Variants in DENND2C observed in about 807,000 individuals in gnomAD.
DENND2C encodes the protein DENN domain containing 2C, also known as DENN domain-containing protein 2C.
In DENND2C, 72 loss-of-function variants were observed where a neutral mutation model predicts 112.4. The observed-to-expected ratio is 0.64, with a 90% CI of 0.53 to 0.78. The LOEUF is 0.78. DENND2C is among the 30% of genes least tolerant of loss of function. DENND2C has a pLI of 0.00. For synonymous variants in DENND2C, 329 were observed against 381.6 expected (o/e 0.86, Z 1.61); for missense variants, 992 against 1,113.8 (o/e 0.89, Z 1.56).
Position 114,625,331 on chromosome 1 carries a change from T to G in DENND2C, c.654A>C (p.Arg218Ser). The change falls in exon 4 of 21, where the codon AGA (arginine) becomes AGC (serine). Residue 218 changes from arginine (R) to serine (S), a missense_variant. By Grantham distance (110) the Arg-to-Ser change is moderately radical. Transcript: ENST00000393274. Reference protein sequence around the residue: ...NPLPKPRRTFRYLSESGVTPY... With the variant: ...NPLPKPRRTFSYLSESGVTPY... ...GCGTAACACCAGATTCGGATAAATA[T>G]CTGAATGTCCTACGAGGTTTTGGCA... 1 of 1,614,212 alleles carries G rather than the reference T, an allele frequency of 6.2e-7. No homozygotes were observed. The highest frequency in any genetic ancestry group is 1.1e-5 in the South Asian group (1 of 91,086).
chr1:114,663,527 C>T (rs960708998), intron 1 of DENND2C, among the ~76,000 whole-genome samples: 2 of 151,986 alleles, frequency 1.3e-5, no homozygotes, highest in African/African-American at 2.4e-5. Context: ...GGTATGATTT[C>T]GAAGAACCAT....
intron 3 of DENND2C, among the ~76,000 whole-genome samples, chr1:114,640,334 G>C (rs925742126): frequency 6.6e-6 from 1 of 152,146 alleles, no homozygotes; most frequent in African/African-American, 2.4e-5. Flanking sequence ...TGCATCCACT[G>C]CTAGTCACTA....
chr1:114,656,504 C>A (rs1657332638), intron 1 of DENND2C, among the ~76,000 whole-genome samples: 1 of 150,654 alleles, frequency 6.6e-6, no homozygotes, highest in South Asian at 2.1e-4. Context: ...TCAAGCGATT[C>A]TCCTGCCTCA....
chr1:114,656,117 G>A (rs1657314772), intron 1 of DENND2C, among the ~76,000 whole-genome samples: 1 of 151,716 alleles, frequency 6.6e-6, no homozygotes, highest in Non-Finnish European at 1.5e-5. Context: ...ATCCAGGCTG[G>A]AGTGCAATGG....
intron 18 of DENND2C, chr1:114,588,602 C>G (rs751949374): frequency 6.6e-6 from 1 of 152,372 alleles, no homozygotes; most frequent in Non-Finnish European, 1.5e-5. Flanking sequence ...CCCATTAGCA[C>G]ATAAGTTCCA....
intron 11 of DENND2C, among the ~76,000 whole-genome samples, chr1:114,603,147 T>C (rs1398470054): frequency 6.6e-6 from 1 of 152,074 alleles, no homozygotes; most frequent in East Asian, 1.9e-4. Context: ...AGTCCATTTT[T>C]TTTTTTTTTC....
At chr1:114,665,804 C>T (rs554660685) in intron 1 of DENND2C, among the ~76,000 whole-genome samples, 4 of 152,190 alleles carry the variant, frequency 2.6e-5, no homozygotes, top group Non-Finnish European at 5.9e-5. Flanking sequence ...CTTCTACTTA[C>T]ATAAAGCAAA....
chr1:114,623,621 T>C lies in DENND2C; in HGVS notation c.829A>G (p.Ile277Val), dbSNP rs771363091. The C allele has an allele frequency of 1.4e-5, 23 of 1,600,508 alleles. No individual in the cohort carries two copies. The highest frequency in any genetic ancestry group is 2.0e-5 in the Non-Finnish European group (23 of 1,174,206). ...SKRKSFEFED[I>V]QHFRNRNSQT... Reference sequence around the variant, plus strand: ...GAGTTCCGATTTCGAAAGTGCTGAATATCCTCAAATTCAAAGGATTTCCTT... The same window carrying C: ...GAGTTCCGATTTCGAAAGTGCTGAACATCCTCAAATTCAAAGGATTTCCTT... The change falls in exon 5 of 21, where the codon ATT becomes GTT. Residue 277 changes from isoleucine to valine, a missense_variant. Coordinates refer to ENST00000393274, the MANE Select transcript of DENND2C (RefSeq NM_001256404.2).
At chr1:114,628,775 C>T (rs962506036) in intron 3 of DENND2C, among the ~76,000 whole-genome samples, 2 of 152,242 alleles carry the variant, frequency 1.3e-5, no homozygotes, top group Non-Finnish European at 1.5e-5. Flanking sequence ...TAATTATATT[C>T]TGAGCCACCT....
chr1:114,624,724 C>T (rs996507421), intron 4 of DENND2C, among the ~76,000 whole-genome samples: 4 of 151,346 alleles, frequency 2.6e-5, no homozygotes, highest in East Asian at 1.9e-4. Context: ...CAGGTTCAAG[C>T]GTTTCTTCTG....
chr1:114,622,158 G>T, intron 6 of DENND2C, 93 bp from the exon 7 acceptor site: 1 of 1,332,972 alleles, frequency 7.5e-7, no homozygotes, highest in Non-Finnish European at 1.0e-6. Context: ...CTGTCGCCCA[G>T]GCTGGAATGC....
chr1:114,630,600 C>G (rs935043046), intron 3 of DENND2C, among the ~76,000 whole-genome samples: 1 of 151,926 alleles, frequency 6.6e-6, no homozygotes, highest in African/African-American at 2.4e-5. Context: ...GCAACCTTAC[C>G]GAGTTGAGGA....
Position 114,625,159 on chromosome 1 carries a change from T to C in DENND2C, c.806+20A>G, listed in dbSNP as rs750405343. The C allele has an allele frequency of 4.0e-5, 62 of 1,569,270 alleles. No individual in the cohort carries two copies. The South Asian group carries it at 5.7e-4, about 14-fold the overall frequency. On this transcript the variant is annotated intron_variant, in intron 4 of 20. Transcript: ENST00000393274. ...TAAGGAAAATACCTACAAGTCTTTA[T>C]CTGTAGGATAAAAACATACCTTTTA...
At position 114,621,904 on chromosome 1, in the gene DENND2C, A is replaced by G; in HGVS notation, c.1218T>C (p.Asn406=). 2 of 1,550,476 alleles carry G rather than the reference A, an allele frequency of 1.3e-6. No homozygotes were observed. The highest frequency in any genetic ancestry group is 1.7e-6 in the Non-Finnish European group (2 of 1,146,970). ...GCACTGGAGTCTTTACCCTTGGAAGATTTTTCCTTTTCGTGTTTGCAACTT... is the reference window on the plus strand; with the variant it reads ...GCACTGGAGTCTTTACCCTTGGAAGGTTTTTCCTTTTCGTGTTTGCAACTT... ...AGEVANTKRK[N]LPRLVLKIDD... is the part of the protein sequence containing the mutation. The change falls in exon 7 of 21, where the codon AAT becomes AAC. Residue 406 remains asparagine (N), a synonymous_variant. Transcript: ENST00000393274.
In DENND2C at chr1:114,657,725, C is replaced by T. The variant is rs553483804; in HGVS notation, c.-573-2964G>A. 7.9e-5 allele frequency among the ~76,000 whole-genome samples: 12 copies of T among 152,298 alleles called. No homozygotes were observed. The South Asian group carries it at 1.9e-3, about 24-fold the overall frequency. On this transcript the variant is annotated intron_variant, in intron 1 of 20. Coordinates refer to ENST00000393274, the MANE Select transcript of DENND2C (RefSeq NM_001256404.2). ...AATGCAAATATCAACTGTAGACAAT[C>T]CATTCAAGGAGTTTATCCAAATAGA...
At chr1:114,629,271 T>C (rs950804870) in intron 3 of DENND2C, among the ~76,000 whole-genome samples, 1 of 152,158 alleles carries the variant, frequency 6.6e-6, no homozygotes, top group Non-Finnish European at 1.5e-5. Context: ...ACATAAAAAC[T>C]CAAGCATGAC....
chr1:114,651,276 T>TACACACATACACACAC (rs1657155458), intron 2 of DENND2C, among the ~76,000 whole-genome samples: 1 of 139,270 alleles, frequency 7.2e-6, no homozygotes, highest in Non-Finnish European at 1.5e-5. Flanking sequence ...TCCCTACACA[T>TACACACATACACACAC]ACACACACAC....
chr1:114,616,768 T>A (rs978237672), intron 8 of DENND2C, among the ~76,000 whole-genome samples: 1 of 151,914 alleles, frequency 6.6e-6, no homozygotes, highest in Non-Finnish European at 1.5e-5. Context: ...GGCAAAGGAA[T>A]CCCTTGAACC....
At chr1:114,641,143 C>G (rs1041831041) in intron 3 of DENND2C, among the ~76,000 whole-genome samples, 3 of 151,022 alleles carry the variant, frequency 2.0e-5, no homozygotes, top group African/African-American at 7.3e-5. Flanking sequence ...CAGAATAAAT[C>G]ACTTTGGCCG....
Sources: gnomAD v4.1 joint callset for allele counts (sites outside exome capture counted in the v4.1 genomes callset) on GRCh38, gnomAD v4.1.1 for gene constraint, MANE v1.5 for transcripts, NCBI Gene and HGNC (gene_info 2026-07-23, HGNC 2026-07-21) for gene names.